VWF: variants seen among roughly 807,000 people sequenced by gnomAD.
VWF encodes von Willebrand factor.
VWF carries 176 observed loss-of-function variants against 308.6 expected under a neutral mutation model. The ratio of observed to expected loss-of-function variants is 0.57; its 90% CI spans 0.50 to 0.65. The LOEUF is 0.65. VWF is among the 30% of genes least tolerant of loss of function. VWF has a pLI of 0.00. For missense variants in VWF, 3,146 were observed against 3,648.2 expected, an observed-to-expected ratio of 0.86 and a Z score of 3.55; for synonymous variants, 1,385 against 1,443.4, an observed-to-expected ratio of 0.96 and a Z score of 0.92.
At chr12:5,960,766 T>C (rs1407593118) in intron 47 of VWF, among the ~76,000 whole-genome samples, 1 of 152,178 alleles carries the variant, frequency 6.6e-6, no homozygotes, top group African/African-American at 2.4e-5. Flanking sequence ...AGCAAAACTG[T>C]CTGACAAAAT....
rs376909256 is a variant in VWF at position 6,016,247 on chromosome 12, C to T, written c.5312-15G>A. The T allele has an allele frequency of 1.2e-6, 2 of 1,614,094 alleles. No homozygotes were observed. The highest frequency in any genetic ancestry group is 1.7e-6 in the Non-Finnish European group (2 of 1,180,050). ...CAAGGCATCCCCTGAGGATGGAGAA[C>T]AGATCACGCCAAGTCAGTACTGACT... is the stretch of plus-strand genomic sequence containing the variant. On this transcript the variant is annotated splice_polypyrimidine_tract_variant and intron_variant, in intron 30 of 51. Coordinates refer to ENST00000261405, the MANE Select transcript of VWF (RefSeq NM_000552.5).
At chr12:6,040,944 G>A (rs771285234) in intron 18 of VWF, among the ~76,000 whole-genome samples, 6 of 152,156 alleles carry the variant, frequency 3.9e-5, no homozygotes, top group African/African-American at 7.2e-5. Flanking sequence ...GACAATCTTC[G>A]GCTGAGAACA....
chr12:6,090,887 G>A (rs752196055), intron 6 of VWF, among the ~76,000 whole-genome samples: 2 of 152,142 alleles, frequency 1.3e-5, no homozygotes, highest in South Asian at 4.1e-4. Flanking sequence ...GACACTCAAG[G>A]GGCTATCAAG....
chr12:6,118,647 A>G (rs1470183098), intron 3 of VWF, among the ~76,000 whole-genome samples: 4 of 151,958 alleles, frequency 2.6e-5, no homozygotes, highest in Non-Finnish European at 4.4e-5. Flanking sequence ...TCGGCCTCCC[A>G]AAGTGCTGGG....
Position 5,952,378 on chromosome 12 carries a change from A to C in VWF, c.8115+13T>G. On this transcript the variant is annotated intron_variant, in intron 49 of 51. Coordinates refer to ENST00000261405, the MANE Select transcript of VWF (RefSeq NM_000552.5). ...ATTGAGACAGTAAAGAGGAAAGCAG[A>C]ATGAGTACTCACTCCCTCAGCCAGA... 6.2e-7 allele frequency: 1 copy of C among 1,613,822 alleles called. No homozygotes were observed. Among genetic ancestry groups the C allele is most frequent in the Non-Finnish European group, 8.5e-7 (1 of 1,179,752 alleles).
rs542938672 is a variant in VWF, at chr12:6,068,222, G to A, written c.1157-2949C>T. ...CCTGCCTCATGAAAAAAAACAAAAC[G>A]GAACCTCTCACCTAATGGAAGCACA... On this transcript the variant is annotated intron_variant, in intron 10 of 51. Coordinates refer to ENST00000261405, the MANE Select transcript of VWF (RefSeq NM_000552.5). Among the ~76,000 whole-genome samples, 6 of 151,288 alleles carry A rather than the reference G, an allele frequency of 4.0e-5. No individual in the cohort carries two copies. The East Asian group carries it at 9.7e-4, about 25-fold the overall frequency.
chr12:6,037,032 T>A (rs923762989), intron 18 of VWF, among the ~76,000 whole-genome samples: 1 of 152,184 alleles, frequency 6.6e-6, no homozygotes, highest in Non-Finnish European at 1.5e-5. Context: ...ACAATGGTCC[T>A]TTGGAAGAAT....
intron 47 of VWF, among the ~76,000 whole-genome samples, chr12:5,966,291 G>A (rs79208970): frequency 9.4e-5 from 10 of 106,074 alleles, no homozygotes; most frequent in Middle Eastern, 5.3e-3. Flanking sequence ...ACACACACAC[G>A]CACACACACA....
intron 5 of VWF, among the ~76,000 whole-genome samples, chr12:6,103,547 C>CACAT (rs998758952): frequency 1.0e-3 from 9 of 8,746 alleles, no homozygotes; most frequent in Non-Finnish European, 1.5e-3. Context: ...TATATGTATA[C>CACAT]ACACACACAC....
chr12:6,108,334 T>TATATACAC (rs374693235), intron 5 of VWF, among the ~76,000 whole-genome samples: 135 of 124,178 alleles, frequency 1.1e-3, no homozygotes, highest in African/African-American at 2.8e-3. Flanking sequence ...AAGAAATATA[T>TATATACAC]ACACACACAC....
chr12:6,045,882 C>T (rs1944442223), intron 17 of VWF, among the ~76,000 whole-genome samples: 2 of 152,156 alleles, frequency 1.3e-5, no homozygotes, highest in Non-Finnish European at 2.9e-5. Flanking sequence ...AAATGTGAAA[C>T]CCCCAGTACC....
chr12:6,092,614 T>TGAGAGTGAGAGTGAGAGAGA (rs1945053302), intron 6 of VWF, among the ~76,000 whole-genome samples: 1 of 86,056 alleles, frequency 1.2e-5, no homozygotes, highest in Non-Finnish European at 2.2e-5. Context: ...AGTGAGTGAG[T>TGAGAGTGAGAGTGAGAGAGA]GAGAGTGTGT....
At chr12:5,989,287 G>A (rs187526799) in intron 38 of VWF, among the ~76,000 whole-genome samples, 30 of 152,204 alleles carry the variant, frequency 2.0e-4, no homozygotes, top group Admixed American at 1.4e-3. Context: ...TTGCTCTTCT[G>A]AAATTACTAC....
At chr12:6,082,621 A>G (rs1270201986) in intron 6 of VWF, among the ~76,000 whole-genome samples, 1 of 152,272 alleles carries the variant, frequency 6.6e-6, no homozygotes, top group Admixed American at 6.5e-5. Context: ...CTACGTTCTA[A>G]TAAGGCAAAT....
At chr12:5,969,472 G>C in intron 44 of VWF, 81 bp from the exon 45 acceptor site, 1 of 1,561,534 alleles carries the variant, frequency 6.4e-7, no homozygotes, top group Non-Finnish European at 8.8e-7. Flanking sequence ...TCTTCTCTCA[G>C]GAAGGTGGTT....
chr12:5,996,409 T>A (rs1377300692), intron 34 of VWF, among the ~76,000 whole-genome samples, 187 bp from the exon 35 acceptor site: 1 of 151,872 alleles, frequency 6.6e-6, no homozygotes, highest in African/African-American at 2.4e-5. Context: ...CTCTGAGAGG[T>A]AGAGAGGTTT....
chr12:6,052,565 A>C lies in VWF; in HGVS notation c.2164T>G (p.Phe722Val), dbSNP rs773954330. 8 of 1,614,220 alleles carry C rather than the reference A, an allele frequency of 5.0e-6. No individual in the cohort carries two copies. The highest frequency in any genetic ancestry group is 2.2e-5 in the East Asian group (1 of 44,884). Residue 722 changes from phenylalanine (F) to valine (V), a missense_variant, in exon 16 of 52, where the codon TTC (phenylalanine) becomes GTC (valine). Phe to Val is a conservative substitution (Grantham distance 50, BLOSUM62 -1). Around this residue, in one of 3 missense-constraint regions of VWF, gnomAD observed 1,304 missense variants for 1,353.0 expected, o/e 0.96. Coordinates refer to ENST00000261405, the MANE Select transcript of VWF (RefSeq NM_000552.5). ...TACCACATGGTGTGATGGTCTGAGA[A>C]GATGTCTTCTGGCTGGAAGATCTCA... is the stretch of plus-strand genomic sequence containing the variant. ...DGEIFQPEDI[F>V]SDHHTMCYCE...
At chr12:6,013,355 C>A (rs183899549) in intron 32 of VWF, 126 bp downstream of exon 32, 11 of 1,223,746 alleles carry the variant, frequency 9.0e-6, no homozygotes, top group Middle Eastern at 2.5e-4. Flanking sequence ...ATATAATAAT[C>A]TTCATTCAAG....
chr12:6,065,847 A>G (rs1944708297), intron 10 of VWF, among the ~76,000 whole-genome samples: 1 of 152,224 alleles, frequency 6.6e-6, no homozygotes, highest in Non-Finnish European at 1.5e-5. Flanking sequence ...CTTGGAGCTC[A>G]GCAGTGAAAA....
Sources: allele counts gnomAD v4.1 joint callset (sites outside exome capture counted in the v4.1 genomes callset), GRCh38; gene constraint gnomAD v4.1.1; regional missense constraint gnomAD v4.1.1; transcripts MANE v1.5; gene names NCBI Gene and HGNC (gene_info 2026-07-23, HGNC 2026-07-21).